ZNF512B: variants seen among roughly 807,000 people sequenced by gnomAD.
ZNF512B encodes zinc finger protein 512B.
A neutral mutation model predicts 87.8 loss-of-function variants in ZNF512B; 22 were observed. That is an observed-to-expected ratio of 0.25 (90% CI 0.18 to 0.36). The LOEUF (loss-of-function observed/expected upper bound fraction) is 0.36. ZNF512B is among the 10% of genes least tolerant of loss of function. The pLI is 1.00. For synonymous variants in ZNF512B, 524 were observed against 490.9 expected (o/e 1.07, Z -0.89); for missense variants, 1,060 against 1,231.6 (o/e 0.86, Z 2.09).
Position 63,964,672 on chromosome 20 carries a change from G to T in ZNF512B, c.1079C>A (p.Ala360Asp). ...LDTCPIPPKQARPENGEYGPS... is the reference protein window; with the variant it reads ...LDTCPIPPKQDRPENGEYGPS... ...GCCGTACTCCCCATTCTCTGGCCTG[G>T]CCTGCTTGGGTGGAATTGGGCAGGT... The change falls in exon 6 of 17, where the codon GCC (alanine) becomes GAC (aspartate). Residue 360 changes from alanine (A) to aspartate (D), a missense_variant. Coordinates refer to ENST00000369888, the MANE Select transcript of ZNF512B (RefSeq NM_020713.3). The T allele has an allele frequency of 6.2e-7, 1 of 1,612,090 alleles. No homozygotes were observed.
In ZNF512B at chr20:63,961,450, C is replaced by T. The variant is rs755898853; in HGVS notation, c.2329-43G>A. 9.4e-5 allele frequency: 146 copies of T among 1,559,610 alleles called. No homozygotes were observed. The highest frequency in any genetic ancestry group is 1.2e-4 in the Non-Finnish European group (135 of 1,145,520). ...GCCAGTGCCCCAGCCCTTGGAGGAC[C>T]CAGATCTGTCCTAAGCCCCTACTCA... On this transcript the variant is annotated intron_variant, in intron 15 of 16. Transcript: ENST00000369888. The surrounding 1 kb of genome is among the most constrained non-coding windows in gnomAD (Gnocchi z 6.4).
chr20:63,959,926 C>T lies in ZNF512B; in HGVS notation c.2641G>A (p.Gly881Ser), dbSNP rs191982795. The change falls in exon 17 of 17, where the codon GGC becomes AGC. Residue 881 changes from glycine to serine, a missense_variant. Around this residue, in one of 9 missense-constraint regions of ZNF512B, gnomAD observed 253 missense variants for 259.2 expected, o/e 0.98. Transcript: ENST00000369888. ...GCCTTGCTGACTCCCACCTTCCGGC[C>T]GGTGGAGCCCCGGGCCCCCTTGTCT... ...CRDKGARGST[G>S]RKVGVSKAPE... 87 of 1,604,754 alleles carry T rather than the reference C, an allele frequency of 5.4e-5. No individual in the cohort carries two copies. Among genetic ancestry groups the T allele is most frequent in the Admixed American group, 6.8e-5 (4 of 59,082 alleles).
chr20:63,964,450 G>C, intron 6 of ZNF512B, 40 bp downstream of exon 6: 2 of 1,613,496 alleles, frequency 1.2e-6, no homozygotes, highest in Non-Finnish European at 1.7e-6. Context: ...TCAGGAGGCC[G>C]AGCCTGCCCC....
rs1335435754 is a variant in ZNF512B, at chr20:63,966,137, A to G, written c.1034+4T>C. 2.5e-6 allele frequency: 4 copies of G among 1,586,120 alleles called. No individual in the cohort carries two copies. The East Asian group carries it at 9.0e-5, about 36-fold the overall frequency. On this transcript the variant is annotated splice_donor_region_variant and intron_variant, in intron 5 of 16. Coordinates refer to ENST00000369888, the MANE Select transcript of ZNF512B (RefSeq NM_020713.3). ...CCTCCCCGACCTGGGACGAGCCCCC[A>G]TACCTTTTCTTACCACTGTTCCTCC...
Position 63,963,306 on chromosome 20 carries a change from C to G in ZNF512B, c.1797+36G>C, listed in dbSNP as rs141318480. 8.5e-6 allele frequency: 13 copies of G among 1,535,356 alleles called. No individual in the cohort carries two copies. In the Admixed American group the frequency reaches 2.4e-4, roughly 28 times the overall value. On this transcript the variant is annotated intron_variant, in intron 11 of 16. Coordinates refer to ENST00000369888, the MANE Select transcript of ZNF512B (RefSeq NM_020713.3). ...GAGGGTGGGTGAGTGGCCAGCAGGG[C>G]CCCCCCACCCCACACTGCCGCGGCC...
chr20:63,969,377 G>C (rs1280704946), intron 1 of ZNF512B, among the ~76,000 whole-genome samples: 2 of 152,128 alleles, frequency 1.3e-5, no homozygotes, highest in East Asian at 1.9e-4. Context: ...CGCGGGGAGA[G>C]GGGGCTCCGC....
rs2058831762 is a variant in ZNF512B, at chr20:63,960,002, C to T, written c.2565G>A (p.Glu855=). 4 of 1,613,232 alleles carry T rather than the reference C, an allele frequency of 2.5e-6. No homozygotes were observed. The highest frequency in any genetic ancestry group is 1.6e-4 in the Middle Eastern group (1 of 6,084). ...GGCGCGGGGGCAGCTTGGCCACAGG[C>T]TCCTCTGGGGTCCGCTCCTTGGGCT... ...GRKPKERTPE[E]PVAKLPPRRD... is the part of the protein sequence containing the mutation. Residue 855 remains glutamate (E), a synonymous_variant, in exon 17 of 17, where the codon GAG becomes GAA. Transcript: ENST00000369888.
In ZNF512B at chr20:63,962,570, TG is replaced by T. The variant is rs746108322; in HGVS notation, c.2163+16del. 1.5e-3 allele frequency: 2,423 copies of T among 1,594,468 alleles called. 6 individuals are homozygous for T. The highest frequency in any genetic ancestry group is 1.9e-3 in the Non-Finnish European group (2,229 of 1,174,028). The stretch of plus-strand genomic sequence containing the variant: ...GAGGCCACGGCGCTGTCCACAGCCC[TG>T]GGGGGGGCAGCTCACCCGTGCGGTC... On this transcript the variant is annotated intron_variant, in intron 13 of 16. Transcript: ENST00000369888.
chr20:63,966,861 C>T lies in ZNF512B; in HGVS notation c.393+15G>A. The T allele has an allele frequency of 6.2e-7, 1 of 1,613,662 alleles. No individual in the cohort carries two copies. The highest frequency in any genetic ancestry group is 1.1e-5 in the South Asian group (1 of 91,086). ...CACCCCGAGGCCTCCTCTCCCCCGA[C>T]CCACAGTCCCTTACCCCTTGGCACC... On this transcript the variant is annotated intron_variant, in intron 4 of 16. Transcript: ENST00000369888.
At chr20:63,960,729 A>G (rs574961154) in intron 16 of ZNF512B, among the ~76,000 whole-genome samples, 1 of 128,528 alleles carries the variant, frequency 7.8e-6, no homozygotes, top group South Asian at 2.9e-4. Context: ...AGGGGGCTGG[A>G]CACAGCCTTC....
rs1054400490 is a variant in ZNF512B at position 63,961,433 on chromosome 20, C to T, written c.2329-26G>A. On this transcript the variant is annotated intron_variant, in intron 15 of 16. Coordinates refer to ENST00000369888, the MANE Select transcript of ZNF512B (RefSeq NM_020713.3). This position sits in a 1 kb window ranked among gnomAD's most constrained non-coding sequence, Gnocchi z 6.4. ...CTGCAATGCATAGGCAGGCCAGTGC[C>T]CCAGCCCTTGGAGGACCCAGATCTG... The T allele has an allele frequency of 1.2e-6, 2 of 1,602,166 alleles. No homozygotes were observed. Among genetic ancestry groups the T allele is most frequent in the Non-Finnish European group, 1.7e-6 (2 of 1,174,434 alleles).
Position 63,959,821 on chromosome 20 carries a change from A to G in ZNF512B, c.*67T>C, listed in dbSNP as rs2058829425. 2 of 1,503,938 alleles carry G rather than the reference A, an allele frequency of 1.3e-6. 1 individual carries two copies. The highest frequency in any genetic ancestry group is 2.7e-5 in the South Asian group (2 of 74,774). The allele number at this position is 1,503,938 out of a possible 1,614,324, so 93.2% of individuals were successfully genotyped here. ...GAGAACTGGAGGACAGAGGTCCCGG[A>G]GCTGGCCCTGCCTTGAACAGAGGGC... On this transcript the variant is annotated 3_prime_UTR_variant, in exon 17 of 17. Coordinates refer to ENST00000369888, the MANE Select transcript of ZNF512B (RefSeq NM_020713.3).
rs746471150 is a variant in ZNF512B, at chr20:63,959,844, G to A, written c.*44C>T. The A allele has an allele frequency of 3.3e-6, 5 of 1,521,266 alleles. No individual in the cohort carries two copies. Among genetic ancestry groups the A allele is most frequent in the Non-Finnish European group, 4.4e-6 (5 of 1,145,020 alleles). 94.2% of individuals were successfully genotyped at this position (1,521,266 alleles called of 1,614,324 possible). The stretch of plus-strand genomic sequence containing the variant: ...GGAGCTGGCCCTGCCTTGAACAGAG[G>A]GCGGTGTGGCGGCTGCATGGGGGCC... On this transcript the variant is annotated 3_prime_UTR_variant, in exon 17 of 17. Transcript: ENST00000369888.
At chr20:63,967,238 G>C in intron 3 of ZNF512B, 143 bp downstream of exon 3, 2 of 1,363,616 alleles carry the variant, frequency 1.5e-6, no homozygotes, top group South Asian at 2.8e-5. Context: ...TACAAAGCCA[G>C]GCCACGTGAA....
rs890163343 is a variant in ZNF512B, at chr20:63,959,010, C to T, written c.*878G>A. 6.6e-6 allele frequency: 1 copy of T among 152,626 alleles called. No homozygotes were observed. The highest frequency in any genetic ancestry group is 2.4e-5 in the African/African-American group (1 of 41,444). 9.5% of individuals were successfully genotyped at this position (152,626 alleles called of 1,614,324 possible). A position where few individuals can be genotyped will look rare whatever the true frequency, so the allele number is the denominator to read the frequency against. ...CAAGACCCCAGGGCCCGAACTAGTCCGTCCCTACTCCACGAGGCTGCTCCA... is the reference window on the plus strand; with the variant it reads ...CAAGACCCCAGGGCCCGAACTAGTCTGTCCCTACTCCACGAGGCTGCTCCA... On this transcript the variant is annotated 3_prime_UTR_variant, in exon 17 of 17. Transcript: ENST00000369888.
chr20:63,967,797 T>C (rs2122886845), intron 2 of ZNF512B, 33 bp downstream of exon 2: 1 of 1,599,516 alleles, frequency 6.3e-7, no homozygotes, highest in East Asian at 2.2e-5. Context: ...CCCAGAACCA[T>C]CTGGAATTGA....
chr20:63,964,530 A>C lies in ZNF512B; in HGVS notation c.1221T>G (p.Pro407=). The C allele has an allele frequency of 6.2e-7, 1 of 1,612,734 alleles. No homozygotes were observed. The change falls in exon 6 of 17, where the codon CCT becomes CCG. Residue 407 remains proline, a synonymous_variant. Transcript: ENST00000369888. ...GGMEALKAAG[P]ASPPEEDPER... is the part of the protein sequence containing the mutation. ...CCGGGTCCTCCTCAGGCGGGGACGC[A>C]GGGCCTGCAGCCTTCAGTGCCTCCA...
intron 1 of ZNF512B, chr20:63,969,169 C>T: frequency 1.0e-6 from 1 of 985,478 alleles, no homozygotes; most frequent in Non-Finnish European, 1.2e-6. Flanking sequence ...CATGAGTCAT[C>T]CCAGCACCTG....
At position 63,962,919 on chromosome 20, in the gene ZNF512B, G is replaced by A. The variant is rs189952871; in HGVS notation, c.1969-138C>T. 3.7e-4 allele frequency: 470 copies of A among 1,261,308 alleles called. 5 individuals are homozygous for A. The East Asian group carries it at 0.011, about 29-fold the overall frequency. The allele number at this position is 1,261,308 out of a possible 1,614,324, so 78.1% of individuals were successfully genotyped here. ...GGGACATGGCTGACGCAGGCAACCCGAGGGAACACGGAGGTTTCACCCTCC... is the reference window on the plus strand; with the variant it reads ...GGGACATGGCTGACGCAGGCAACCCAAGGGAACACGGAGGTTTCACCCTCC... On this transcript the variant is annotated intron_variant, in intron 12 of 16. Transcript: ENST00000369888.
Sources: gnomAD v4.1 joint callset for allele counts (sites outside exome capture counted in the v4.1 genomes callset) on GRCh38, gnomAD v4.1.1 for gene constraint, gnomAD v4.1.1 regional missense constraint, Gnocchi (gnomAD v3.1) non-coding constraint, MANE v1.5 for transcripts, NCBI Gene and HGNC (gene_info 2026-07-23, HGNC 2026-07-21) for gene names.